SHANK2: variants seen among roughly 807,000 people sequenced by gnomAD.
SHANK2 encodes the protein SH3 and multiple ankyrin repeat domains protein 2.
SHANK2 carries 43 observed loss-of-function variants against 133.7 expected under a neutral mutation model. The ratio of observed to expected loss-of-function variants is 0.32; its 90% CI spans 0.25 to 0.41. SHANK2 has a LOEUF of 0.41. Among genes scored for constraint, SHANK2 ranks in the 10% least tolerant of loss-of-function variants. The pLI is 1.00. For missense variants in SHANK2, 1,994 were observed against 2,235.8 expected (o/e 0.89, Z 2.18); for synonymous variants, 1,017 against 952.8 (o/e 1.07, Z -1.24).
intron 2 of SHANK2, among the ~76,000 whole-genome samples, chr11:71,197,905 C>T (rs1204477583): frequency 6.6e-6 from 1 of 152,178 alleles, no homozygotes; most frequent in Non-Finnish European, 1.5e-5. Flanking sequence ...GAGTCTTAAT[C>T]ACCAACCCCA....
rs1186997999 is a variant in SHANK2, at chr11:70,838,002, GA to G, written c.1175-17321del. Reference sequence around the variant, plus strand: ...AAAAAAAAAAAAAAAAAAAAAAAAAGAAAAAAAAAAGATGCATGCTGAGTAA... The same window carrying G: ...AAAAAAAAAAAAAAAAAAAAAAAAAGAAAAAAAAAGATGCATGCTGAGTAA... On this transcript the variant is annotated intron_variant, in intron 11 of 25. Transcript: ENST00000601538. Among the ~76,000 whole-genome samples, 277 of 95,408 alleles carry G rather than the reference GA, an allele frequency of 2.9e-3. 3 individuals are homozygous for G. The highest frequency in any genetic ancestry group is 9.7e-3 in the African/African-American group (235 of 24,106). The allele number at this position is 95,408 out of a possible 152,430, so 62.6% of individuals were successfully genotyped here.
intron 9 of SHANK2, among the ~76,000 whole-genome samples, chr11:71,074,485 G>GT (rs1156817171): frequency 2.6e-5 from 4 of 152,058 alleles, no homozygotes; most frequent in Non-Finnish European, 5.9e-5. Context: ...GGCTTTACGT[G>GT]TTTTTTTAAG....
rs1159301962 is a variant in SHANK2 at position 71,113,326 on chromosome 11, G to C, written c.450C>G (p.Leu150=). Residue 150 remains leucine, a synonymous_variant, in exon 5 of 26, where the codon CTC becomes CTG. Transcript: ENST00000601538. ...YKKRVYKQAS[L]DEKQLAKLHT... is the part of the protein sequence containing the mutation. ...GGAGCTTGGCCAACTGTTTCTCATC[G>C]AGACTGGCTTGTTTATACACCCGCT... The C allele has an allele frequency of 6.4e-7, 1 of 1,551,626 alleles. No homozygotes were observed. The highest frequency in any genetic ancestry group is 1.2e-5 in the South Asian group (1 of 84,054).
chr11:70,602,634 G>A (rs1267174659), intron 17 of SHANK2, among the ~76,000 whole-genome samples: 6 of 152,146 alleles, frequency 3.9e-5, no homozygotes, highest in South Asian at 2.1e-4. Context: ...TGGTGGCAAC[G>A]CCTGTATTTA....
intron 17 of SHANK2, among the ~76,000 whole-genome samples, chr11:70,606,838 C>T (rs1018530503): frequency 6.6e-6 from 1 of 152,196 alleles, no homozygotes; most frequent in Non-Finnish European, 1.5e-5. Flanking sequence ...AAGGGAGGTG[C>T]GCTAGGTGAT....
In SHANK2 at chr11:71,119,008, C is replaced by T. The variant is rs1952033977; in HGVS notation, c.232G>A (p.Ala78Thr). ...CGCTGCTTTGCAACCCACACTGTGG[C>T]ATCCGGGTTAAATCGAATGCATTTC... ...QTKCIRFNPD[A>T]TVWVAKQRIL... is the part of the protein sequence containing the mutation. Residue 78 changes from alanine to threonine, a missense_variant, in exon 4 of 26, where the codon GCC becomes ACC. By Grantham distance (58) the Ala-to-Thr change is moderately conservative (BLOSUM62 0). Coordinates refer to ENST00000601538, the MANE Select transcript of SHANK2 (RefSeq NM_012309.5). 1 of 1,551,708 alleles carries T rather than the reference C, an allele frequency of 6.4e-7. No homozygotes were observed. Among genetic ancestry groups the T allele is most frequent in the Non-Finnish European group, 8.7e-7 (1 of 1,146,982 alleles).
rs1043687588 is a variant in SHANK2 at position 71,073,319 on chromosome 11, C to T, written c.1029+1840G>A. Among the ~76,000 whole-genome samples, 401 of 151,652 alleles carry T rather than the reference C, an allele frequency of 2.6e-3. 4 individuals are homozygous for T. Among genetic ancestry groups the T allele is most frequent in the African/African-American group, 8.8e-3 (365 of 41,394 alleles). Reference sequence around the variant, plus strand: ...GATTACAGGCACATGCCATCACACCCGGCTAATTTTTGTATTTTCAGTAGA... The same window carrying T: ...GATTACAGGCACATGCCATCACACCTGGCTAATTTTTGTATTTTCAGTAGA... On this transcript the variant is annotated intron_variant, in intron 9 of 25. Coordinates refer to ENST00000601538, the MANE Select transcript of SHANK2 (RefSeq NM_012309.5).
chr11:71,125,541 G>A (rs1351493843), intron 3 of SHANK2, among the ~76,000 whole-genome samples: 4 of 152,220 alleles, frequency 2.6e-5, no homozygotes, highest in Non-Finnish European at 5.9e-5. Context: ...GCTGAGAGAG[G>A]TGAGGAAGCT....
chr11:70,869,424 C>A (rs1456298449), intron 11 of SHANK2, among the ~76,000 whole-genome samples: 1 of 152,196 alleles, frequency 6.6e-6, no homozygotes, highest in Non-Finnish European at 1.5e-5. Flanking sequence ...CCACTGGGAC[C>A]AACAGAACTC....
intron 2 of SHANK2, among the ~76,000 whole-genome samples, chr11:71,179,253 C>G (rs1307190686): frequency 1.3e-5 from 2 of 152,154 alleles, no homozygotes; most frequent in Non-Finnish European, 2.9e-5. Flanking sequence ...TGATCAGGAA[C>G]TGATCAAATT....
At chr11:71,120,820 C>T (rs1365839371) in intron 3 of SHANK2, among the ~76,000 whole-genome samples, 1 of 152,202 alleles carries the variant, frequency 6.6e-6, no homozygotes, top group Non-Finnish European at 1.5e-5. Flanking sequence ...TCCTTCTAGG[C>T]CCCTCCAATT....
At chr11:70,691,630 G>A (rs1192229605) in intron 15 of SHANK2, among the ~76,000 whole-genome samples, 3 of 152,174 alleles carry the variant, frequency 2.0e-5, no homozygotes, top group Non-Finnish European at 4.4e-5. Flanking sequence ...GGTGGCTCAC[G>A]CCTGTAATCC....
At chr11:71,206,170 G>C (rs1240032925) in intron 2 of SHANK2, among the ~76,000 whole-genome samples, 3 of 152,210 alleles carry the variant, frequency 2.0e-5, no homozygotes, top group Non-Finnish European at 4.4e-5. Flanking sequence ...AAGGATGCTA[G>C]TGCAAAGTCT....
At chr11:70,752,838 G>A (rs1946783900) in intron 14 of SHANK2, among the ~76,000 whole-genome samples, 1 of 152,130 alleles carries the variant, frequency 6.6e-6, no homozygotes, top group African/African-American at 2.4e-5. Context: ...AGCAGGCCAG[G>A]TGCAGTGGCT....
At chr11:71,061,971 C>CTT (rs1216736346) in intron 9 of SHANK2, among the ~76,000 whole-genome samples, 1,632 of 109,538 alleles carry the variant, frequency 0.015, 40 homozygotes, top group African/African-American at 0.016. Context: ...GTCTTTCTTT[C>CTT]TTTTTTTTTT....
intron 11 of SHANK2, among the ~76,000 whole-genome samples, chr11:70,839,821 C>T (rs1948875990): frequency 6.6e-6 from 1 of 152,202 alleles, no homozygotes; most frequent in African/African-American, 2.4e-5. Context: ...TCCAAATGCA[C>T]ATTTATATTT....
chr11:71,162,839 A>G (rs1428329672), intron 2 of SHANK2, among the ~76,000 whole-genome samples: 7 of 151,886 alleles, frequency 4.6e-5, no homozygotes, highest in African/African-American at 1.7e-4. Context: ...TTGGGAGGTC[A>G]AGACGGGCAG....
At chr11:71,154,958 C>A in intron 2 of SHANK2, among the ~76,000 whole-genome samples, 1 of 133,394 alleles carries the variant, frequency 7.5e-6, no homozygotes, top group African/African-American at 2.9e-5. Context: ...GATGGACCTA[C>A]CCCCGCCCAC....
At chr11:71,121,241 C>T (rs2135277759) in intron 3 of SHANK2, among the ~76,000 whole-genome samples, 1 of 152,348 alleles carries the variant, frequency 6.6e-6, no homozygotes, top group East Asian at 1.9e-4. Flanking sequence ...AACTTCAGGG[C>T]TGCTGTCAGG....
Sources: gnomAD v4.1 joint callset for allele counts (sites outside exome capture counted in the v4.1 genomes callset) on GRCh38, gnomAD v4.1.1 for gene constraint, MANE v1.5 for transcripts, NCBI Gene and HGNC (gene_info 2026-07-23, HGNC 2026-07-21) for gene names.